SCARA5: variants seen among roughly 807,000 people sequenced by gnomAD.
SCARA5 encodes scavenger receptor class A, member 5 (putative).
In SCARA5, 45 loss-of-function variants were observed where a neutral mutation model predicts 46.3. That is an observed-to-expected ratio of 0.97 (90% confidence interval 0.76 to 1.24). SCARA5 has a LOEUF of 1.24. Ranked by LOEUF, SCARA5 falls within the 50% of genes most tolerant of loss-of-function variation. The pLI, the probability that SCARA5 is intolerant of heterozygous loss-of-function variation, is 0.00. For synonymous variants in SCARA5, 333 were observed against 306.5 expected (o/e 1.09, Z -0.90); for missense variants, 680 against 689.0 (o/e 0.99, Z 0.15).
In SCARA5 at chr8:27,887,608, G is replaced by T. The variant is rs80116874; in HGVS notation, c.1154-7842C>A. On this transcript the variant is annotated intron_variant, in intron 7 of 8. Transcript: ENST00000354914. ...TCCAATCCCCATCCCACAAGGCTTT[G>T]GCAGAGCTTTTTCTTGTAATGCCCA... Among the ~76,000 whole-genome samples, 1,931 of 152,208 alleles carry T rather than the reference G, an allele frequency of 0.013. 99 individuals carry two copies. In the East Asian group the frequency reaches 0.14, roughly 11 times the overall value.
chr8:27,977,996 G>A (rs569286750), intron 2 of SCARA5, among the ~76,000 whole-genome samples: 1 of 150,238 alleles, frequency 6.7e-6, no homozygotes, highest in South Asian at 2.1e-4. Flanking sequence ...GTGCACTAGT[G>A]TATTTCAGTT....
intron 5 of SCARA5, among the ~76,000 whole-genome samples, chr8:27,908,493 A>G (rs1807309658): frequency 6.6e-6 from 1 of 152,214 alleles, no homozygotes; most frequent in African/African-American, 2.4e-5. Context: ...TGCTTGGAAT[A>G]TGAGTTGGTT....
At chr8:27,902,142 G>A (rs954544583) in intron 7 of SCARA5, among the ~76,000 whole-genome samples, 5 of 152,184 alleles carry the variant, frequency 3.3e-5, no homozygotes, top group South Asian at 2.1e-4. Context: ...AAAGTTCAGC[G>A]CTTTGTGCAA....
At chr8:27,919,983 T>C (rs577650485) in intron 4 of SCARA5, among the ~76,000 whole-genome samples, 23 of 151,282 alleles carry the variant, frequency 1.5e-4, no homozygotes, top group African/African-American at 5.4e-4. Flanking sequence ...CAGTGGGCTT[T>C]GAGCAGGGGG....
intron 1 of SCARA5, among the ~76,000 whole-genome samples, chr8:27,990,632 T>C (rs2129994424): frequency 6.6e-6 from 1 of 152,296 alleles, no homozygotes; most frequent in Admixed American, 6.5e-5. Context: ...GGTTGCTTTG[T>C]TTGGGAATTG....
At chr8:27,909,270 G>A (rs1369952467) in intron 5 of SCARA5, among the ~76,000 whole-genome samples, 1 of 152,142 alleles carries the variant, frequency 6.6e-6, no homozygotes, top group Non-Finnish European at 1.5e-5. Flanking sequence ...CAGGAGTCAT[G>A]GTGGGGCGGG....
chr8:27,885,935 A>T (rs183006347), intron 7 of SCARA5: 187 of 154,650 alleles, frequency 1.2e-3, no homozygotes, highest in African/African-American at 4.3e-3. Context: ...AAAAAATTGA[A>T]AACATATGAT....
intron 3 of SCARA5, among the ~76,000 whole-genome samples, chr8:27,928,747 C>T (rs1050289080): frequency 6.6e-6 from 1 of 151,986 alleles, no homozygotes; most frequent in Non-Finnish European, 1.5e-5. Flanking sequence ...CTCACTGCAA[C>T]CTCCACCTCC....
chr8:27,968,914 C>T (rs1286628776), intron 2 of SCARA5, among the ~76,000 whole-genome samples: 2 of 152,170 alleles, frequency 1.3e-5, no homozygotes, highest in African/African-American at 2.4e-5. Context: ...TGACAGGTGC[C>T]TTAGTCAACC....
At chr8:27,901,351 G>T (rs561891691) in intron 7 of SCARA5, among the ~76,000 whole-genome samples, 1 of 152,170 alleles carries the variant, frequency 6.6e-6, no homozygotes, top group Admixed American at 6.5e-5. Flanking sequence ...GGCCACCCTG[G>T]TTAGCGGCTC....
intron 3 of SCARA5, among the ~76,000 whole-genome samples, chr8:27,923,869 G>A (rs774219778): frequency 5.9e-5 from 9 of 152,120 alleles, no homozygotes; most frequent in African/African-American, 1.2e-4. Context: ...CACTGCACCC[G>A]GCCCTACTTC....
At chr8:27,957,086 C>T (rs368373145) in intron 3 of SCARA5, among the ~76,000 whole-genome samples, 6 of 151,958 alleles carry the variant, frequency 3.9e-5, no homozygotes, top group South Asian at 2.1e-4. Context: ...GCACAGAGGC[C>T]GAGGCATGGA....
At chr8:27,973,939 G>A (rs917007590) in intron 2 of SCARA5, among the ~76,000 whole-genome samples, 2 of 152,164 alleles carry the variant, frequency 1.3e-5, no homozygotes, top group Non-Finnish European at 2.9e-5. Flanking sequence ...TCCTAAAACC[G>A]GGAGCAAGAA....
In SCARA5 at chr8:27,957,975, A is replaced by C. The variant is rs374520982; in HGVS notation, c.241+8439T>G. 1.2e-4 allele frequency among the ~76,000 whole-genome samples: 19 copies of C among 152,288 alleles called. No individual in the cohort carries two copies. In the East Asian group the frequency reaches 3.7e-3, roughly 29 times the overall value. ...CTGCTATTGCAGCACGAAAGCAGCC[A>C]AGCAGTACACAAATGGATGAGCGTG... On this transcript the variant is annotated intron_variant, in intron 3 of 8. Coordinates refer to ENST00000354914, the MANE Select transcript of SCARA5 (RefSeq NM_173833.6).
intron 3 of SCARA5, among the ~76,000 whole-genome samples, chr8:27,956,367 G>T (rs1198688014): frequency 1.3e-5 from 2 of 152,234 alleles, no homozygotes; most frequent in African/African-American, 4.8e-5. Flanking sequence ...AGCAGGTAGA[G>T]ATGGGCAGCA....
chr8:27,914,840 C>T (rs908682498), intron 4 of SCARA5, among the ~76,000 whole-genome samples: 7 of 152,166 alleles, frequency 4.6e-5, no homozygotes, highest in Non-Finnish European at 7.4e-5. Context: ...CCCAGTGGGA[C>T]GAAGGGTCTG....
At chr8:27,954,948 CTGTTGT>C (rs1808184153) in intron 3 of SCARA5, among the ~76,000 whole-genome samples, 1 of 152,218 alleles carries the variant, frequency 6.6e-6, no homozygotes, top group Non-Finnish European at 1.5e-5. Context: ...GCCTGCCAGA[CTGTTGT>C]TTTTGACAAC....
intron 4 of SCARA5, 29 bp from the exon 5 acceptor site, chr8:27,909,772 A>C (rs1345011522): frequency 6.7e-7 from 1 of 1,494,446 alleles, no homozygotes. Context: ...CACTGAGGTT[A>C]GGGGGCTCCC....
Position 27,907,390 on chromosome 8 carries a change from T to C in SCARA5, c.998-144A>G, listed in dbSNP as rs562813083. ...TGGCTTTTTTCTGTTAATCTAAAGA[T>C]GCCACCACAGCAGAGTCAAAGAGGT... On this transcript the variant is annotated intron_variant, in intron 5 of 8. Coordinates refer to ENST00000354914, the MANE Select transcript of SCARA5 (RefSeq NM_173833.6). 1.5e-4 allele frequency: 88 copies of C among 567,844 alleles called. No individual in the cohort carries two copies. The African/African-American group carries it at 1.6e-3, about 10-fold the overall frequency. The allele number at this position is 567,844 out of a possible 1,614,324, so 35.2% of individuals were successfully genotyped here.
Sources: allele counts gnomAD v4.1 joint callset (sites outside exome capture counted in the v4.1 genomes callset), GRCh38; gene constraint gnomAD v4.1.1; transcripts MANE v1.5; gene names NCBI Gene and HGNC (gene_info 2026-07-23, HGNC 2026-07-21).